Variants in SNTG1 observed in about 807,000 individuals in gnomAD.
SNTG1 encodes syntrophin gamma 1, also known as gamma-1-syntrophin.
Under a neutral mutation model 74.7 loss-of-function variants are expected in SNTG1, and 39 were observed. The observed-to-expected ratio is 0.52, with a 90% CI of 0.40 to 0.68. The LOEUF (loss-of-function observed/expected upper bound fraction) is 0.68, where lower values mean the gene tolerates loss of function less well. Ranked by LOEUF, SNTG1 falls within the 30% of genes least tolerant of loss-of-function variation. SNTG1 has a pLI of 0.00. For synonymous variants in SNTG1, 254 were observed against 217.1 expected (o/e 1.17, Z -1.49); for missense variants, 685 against 609.5 (o/e 1.12, Z -1.30).
intron 2 of SNTG1, among the ~76,000 whole-genome samples, chr8:50,225,892 G>T (rs979999010): frequency 3.3e-4 from 50 of 152,104 alleles, no homozygotes; most frequent in African/African-American, 1.0e-3. Flanking sequence ...TTGACAATTG[G>T]CATAGTATTT....
Position 50,473,089 on chromosome 8 carries a change from G to T in SNTG1, c.363+22360G>T, listed in dbSNP as rs1429136391. Among the ~76,000 whole-genome samples, 3 of 152,118 alleles carry T rather than the reference G, an allele frequency of 2.0e-5. No individual in the cohort carries two copies. The East Asian group carries it at 5.8e-4, about 29-fold the overall frequency. ...TGTGTCCCCAACCTAATCTCATCTTGAATTGCAATCCCCACGTTCCCCAAG... is the reference window on the plus strand; with the variant it reads ...TGTGTCCCCAACCTAATCTCATCTTTAATTGCAATCCCCACGTTCCCCAAG... On this transcript the variant is annotated intron_variant, in intron 8 of 18. Transcript: ENST00000642720.
At chr8:50,257,819 CTT>C (rs2086961445) in intron 2 of SNTG1, among the ~76,000 whole-genome samples, 1 of 152,160 alleles carries the variant, frequency 6.6e-6, no homozygotes, top group Non-Finnish European at 1.5e-5. Flanking sequence ...GAGCTCCAAA[CTT>C]AATTGAATCA....
At chr8:50,446,290 G>GTT (rs2093406744) in intron 5 of SNTG1, among the ~76,000 whole-genome samples, 1 of 150,520 alleles carries the variant, frequency 6.6e-6, no homozygotes, top group Non-Finnish European at 1.5e-5. Flanking sequence ...TATCTTCTGA[G>GTT]TTTTGTCTTA....
At position 50,268,192 on chromosome 8, in the gene SNTG1, T is replaced by G. The variant is rs563317753; in HGVS notation, c.-28+95557T>G. Among the ~76,000 whole-genome samples the G allele has an allele frequency of 2.4e-4, 36 of 152,202 alleles. 1 individual carries two copies. Among genetic ancestry groups the G allele is most frequent in the Non-Finnish European group, 3.4e-4 (23 of 67,996 alleles). ...CACAGGAAAATTATTTGGTAAAAAT[T>G]TAACAAAACATGTATAAGATCTGTA... is the stretch of plus-strand genomic sequence containing the variant. On this transcript the variant is annotated intron_variant, in intron 2 of 18. Transcript: ENST00000642720.
intron 18 of SNTG1, among the ~76,000 whole-genome samples, chr8:50,764,656 C>G (rs1327448495): frequency 1.3e-5 from 2 of 151,778 alleles, no homozygotes; most frequent in African/African-American, 4.8e-5. Flanking sequence ...AAAAGGGAAC[C>G]CCTGTATGCT....
intron 2 of SNTG1, among the ~76,000 whole-genome samples, chr8:50,384,363 G>A (rs2092539717): frequency 6.6e-6 from 1 of 152,196 alleles, no homozygotes; most frequent in South Asian, 2.1e-4. Flanking sequence ...TATGATGACA[G>A]TTAATAAGGC....
intron 2 of SNTG1, among the ~76,000 whole-genome samples, chr8:50,374,228 A>G (rs1002266556): frequency 2.0e-5 from 3 of 152,170 alleles, no homozygotes; most frequent in African/African-American, 7.2e-5. Flanking sequence ...TGGTGAATTG[A>G]CCCTTTTAGC....
intron 1 of SNTG1, among the ~76,000 whole-genome samples, chr8:50,070,216 C>T (rs1014350385): frequency 2.0e-5 from 3 of 152,040 alleles, no homozygotes; most frequent in Non-Finnish European, 4.4e-5. Context: ...TTAGCTCAGA[C>T]GTGTTATTCA....
intron 2 of SNTG1, among the ~76,000 whole-genome samples, chr8:50,308,522 C>T (rs946578873): frequency 6.6e-6 from 1 of 152,072 alleles, no homozygotes; most frequent in South Asian, 2.1e-4. Context: ...AACCACTCTT[C>T]TCATTTTCAG....
At chr8:50,100,935 A>G (rs989878558) in intron 1 of SNTG1, among the ~76,000 whole-genome samples, 7 of 151,954 alleles carry the variant, frequency 4.6e-5, no homozygotes, top group African/African-American at 1.7e-4. Flanking sequence ...CCCTCCTCCC[A>G]CTGTCCACCT....
intron 1 of SNTG1, among the ~76,000 whole-genome samples, chr8:49,970,636 T>G (rs968915102): frequency 2.0e-5 from 3 of 152,198 alleles, no homozygotes; most frequent in Non-Finnish European, 2.9e-5. Context: ...ACTGACCACG[T>G]AGAGGGTCAG....
At chr8:50,054,525 T>C (rs1450593551) in intron 1 of SNTG1, among the ~76,000 whole-genome samples, 1 of 152,108 alleles carries the variant, frequency 6.6e-6, no homozygotes, top group Non-Finnish European at 1.5e-5. Flanking sequence ...TCCATCTTTG[T>C]TCCATATCAT....
At chr8:50,053,347 T>C (rs1181497458) in intron 1 of SNTG1, among the ~76,000 whole-genome samples, 2 of 152,030 alleles carry the variant, frequency 1.3e-5, no homozygotes, top group Non-Finnish European at 2.9e-5. Context: ...AGATCACATA[T>C]TGTATGATTT....
At chr8:49,941,682 G>A (rs771236176) in intron 1 of SNTG1, among the ~76,000 whole-genome samples, 1 of 152,048 alleles carries the variant, frequency 6.6e-6, no homozygotes, top group Non-Finnish European at 1.5e-5. Context: ...TCTGGCTGAT[G>A]TTCCAGCTGG....
intron 1 of SNTG1, among the ~76,000 whole-genome samples, chr8:49,970,326 T>C (rs551202230): frequency 6.6e-6 from 1 of 152,332 alleles, no homozygotes; most frequent in Non-Finnish European, 1.5e-5. Flanking sequence ...TGAAATATGT[T>C]GCTTTGTTTT....
intron 2 of SNTG1, among the ~76,000 whole-genome samples, chr8:50,318,669 C>T (rs1375774469): frequency 6.6e-6 from 1 of 152,104 alleles, no homozygotes; most frequent in Non-Finnish European, 1.5e-5. Flanking sequence ...GAAACTGAAG[C>T]TTTTCTGTCA....
Position 50,624,320 on chromosome 8 carries a change from CAA to C in SNTG1, c.850-32579_850-32578del, listed in dbSNP as rs58970596. On this transcript the variant is annotated intron_variant, in intron 13 of 18. Transcript: ENST00000642720. ...TAGCTTTTGACCTCTGAAAGAAAAA[CAA>C]AAAAAAAAATTATATTTTTTTTCAA... Among the ~76,000 whole-genome samples the C allele has an allele frequency of 5.9e-3, 822 of 140,378 alleles. 6 individuals carry two copies. The highest frequency in any genetic ancestry group is 0.022 in the African/African-American group (767 of 35,420). 92.1% of individuals were successfully genotyped at this position (140,378 alleles called of 152,430 possible).
At chr8:50,447,013 A>G (rs2093413946) in intron 5 of SNTG1, among the ~76,000 whole-genome samples, 1 of 152,212 alleles carries the variant, frequency 6.6e-6, no homozygotes, top group Non-Finnish European at 1.5e-5. Context: ...ACACTGTAAT[A>G]AAAGTTATGT....
chr8:50,299,066 T>C (rs968731048), intron 2 of SNTG1, among the ~76,000 whole-genome samples: 4 of 152,222 alleles, frequency 2.6e-5, no homozygotes, highest in South Asian at 2.1e-4. Flanking sequence ...TCAAATAAAG[T>C]AATTACAAAG....
Sources: gnomAD v4.1 joint callset for allele counts (sites outside exome capture counted in the v4.1 genomes callset) on GRCh38, gnomAD v4.1.1 for gene constraint, MANE v1.5 for transcripts, NCBI Gene and HGNC (gene_info 2026-07-23, HGNC 2026-07-21) for gene names.